DGCR2: variants seen among roughly 807,000 people sequenced by gnomAD.
DGCR2 encodes the protein DiGeorge syndrome critical region gene 2, also known as integral membrane protein DGCR2/IDD.
Under a neutral mutation model 51.6 loss-of-function variants are expected in DGCR2, and 24 were observed. The ratio of observed to expected loss-of-function variants is 0.47; its 90% CI spans 0.34 to 0.65. The LOEUF (loss-of-function observed/expected upper bound fraction) is 0.65. Among genes scored for constraint, DGCR2 ranks in the 30% least tolerant of loss-of-function variants. The pLI, the probability that DGCR2 is intolerant of heterozygous loss-of-function variation, is 0.01. For missense variants in DGCR2, 765 were observed against 772.1 expected (o/e 0.99, Z 0.11); for synonymous variants, 340 against 315.4 (o/e 1.08, Z -0.82).
intron 7 of DGCR2, chr22:19,046,390 C>T (rs1293706226): frequency 6.6e-6 from 1 of 152,416 alleles, no homozygotes; most frequent in Non-Finnish European, 1.5e-5. Flanking sequence ...CTTGCTTAAA[C>T]ACACTTATTA....
At chr22:19,053,146 T>C (rs2082567112) in intron 6 of DGCR2, among the ~76,000 whole-genome samples, 6 of 152,330 alleles carry the variant, frequency 3.9e-5, no homozygotes, top group South Asian at 2.1e-4. Flanking sequence ...CTGGAGCCTT[T>C]AGGGCCCTGG....
intron 8 of DGCR2, 70 bp downstream of exon 8, chr22:19,041,737 G>A (rs915742224): frequency 3.2e-5 from 49 of 1,529,582 alleles, no homozygotes; most frequent in Non-Finnish European, 4.1e-5. Flanking sequence ...GGGCTGGGGA[G>A]CTCATGGAGA....
chr22:19,070,486 T>C (rs2082802197), intron 2 of DGCR2, among the ~76,000 whole-genome samples: 1 of 152,004 alleles, frequency 6.6e-6, no homozygotes, highest in Non-Finnish European at 1.5e-5. Flanking sequence ...GCACAGTACC[T>C]GGTAAAATTG....
In DGCR2 at chr22:19,105,160, T is replaced by C. The variant is rs186403442; in HGVS notation, c.80-15670A>G. Reference sequence around the variant, plus strand: ...CAGCATGGCAAAGCCCCATCTCTACTAAAAATACAAAAATTAGCTGGGCGT... The same window carrying C: ...CAGCATGGCAAAGCCCCATCTCTACCAAAAATACAAAAATTAGCTGGGCGT... On this transcript the variant is annotated intron_variant, in intron 1 of 9. Transcript: ENST00000263196. 5.3e-3 allele frequency among the ~76,000 whole-genome samples: 805 copies of C among 152,178 alleles called. 1 individual carries two copies. Among genetic ancestry groups the C allele is most frequent in the Admixed American group, 9.0e-3 (137 of 15,284 alleles).
intron 1 of DGCR2, among the ~76,000 whole-genome samples, chr22:19,115,257 G>A (rs2083361683): frequency 6.6e-6 from 1 of 152,242 alleles, no homozygotes; most frequent in Non-Finnish European, 1.5e-5. Context: ...CAGAGAGGCA[G>A]CTCCCTCAGC....
chr22:19,115,533 CCACCAGAGG>C (rs1390208405), intron 1 of DGCR2, among the ~76,000 whole-genome samples: 1 of 152,266 alleles, frequency 6.6e-6, no homozygotes, highest in East Asian at 1.9e-4. Flanking sequence ...CTCGCCACCC[CCACCAGAGG>C]CAGCTGCAAG....
At position 19,089,420 on chromosome 22, in the gene DGCR2, C is replaced by A; in HGVS notation, c.150G>T (p.Gln50His). 1 of 1,610,640 alleles carries A rather than the reference C, an allele frequency of 6.2e-7. No homozygotes were observed. The highest frequency in any genetic ancestry group is 2.2e-5 in the East Asian group (1 of 44,454). Residue 50 changes from glutamine (Q) to histidine (H), a missense_variant, in exon 2 of 10, where the codon CAG becomes CAT. Gln to His is a conservative substitution (Grantham distance 24, BLOSUM62 0). This residue lies in a region of DGCR2 where 370 missense variants were observed against 325.5 expected (regional missense o/e 1.14). Transcript: ENST00000263196. ...CCTCGCAAGTCGCCCAGCCGTCACACTGCCAGGGGAGGGGGATGCACTGGA... is the reference window on the plus strand; with the variant it reads ...CCTCGCAAGTCGCCCAGCCGTCACAATGCCAGGGGAGGGGGATGCACTGGA... ...GTIQCIPLPW[Q>H]CDGWATCEDE...
rs560654239 is a variant in DGCR2 at position 19,122,042 on chromosome 22, G to A, written c.79+86C>T. 3.3e-4 allele frequency: 343 copies of A among 1,039,366 alleles called. 1 individual carries two copies. The African/African-American group carries it at 5.4e-3, about 16-fold the overall frequency. The allele number at this position is 1,039,366 out of a possible 1,614,324, so 64.4% of individuals were successfully genotyped here. On this transcript the variant is annotated intron_variant, in intron 1 of 9. Coordinates refer to ENST00000263196, the MANE Select transcript of DGCR2 (RefSeq NM_005137.3). ...TGCCCCAGGCGCGGCCCCTGCAGGA[G>A]GGCGCCGCGGGTGAAAGGAGGTCCC...
chr22:19,109,276 C>A (rs1320292462), intron 1 of DGCR2, among the ~76,000 whole-genome samples: 1 of 152,176 alleles, frequency 6.6e-6, no homozygotes, highest in Non-Finnish European at 1.5e-5. Context: ...TATGATCCAG[C>A]AATTCCAATT....
chr22:19,070,164 C>T (rs1193072250), intron 2 of DGCR2, among the ~76,000 whole-genome samples: 2 of 152,136 alleles, frequency 1.3e-5, no homozygotes, highest in African/African-American at 2.4e-5. Context: ...GTAGGAGACT[C>T]GACCCACAGA....
At chr22:19,063,316 C>A in intron 4 of DGCR2, 38 bp from the exon 5 acceptor site, 1 of 1,583,732 alleles carries the variant, frequency 6.3e-7, no homozygotes, top group Non-Finnish European at 8.7e-7. Context: ...ATCTCAGCGG[C>A]AGGAGGGATG....
intron 2 of DGCR2, among the ~76,000 whole-genome samples, chr22:19,088,860 C>T (rs1185369933): frequency 6.6e-6 from 1 of 152,136 alleles, no homozygotes; most frequent in Non-Finnish European, 1.5e-5. Context: ...CCGATTTAGC[C>T]TTTTTGTGGC....
chr22:19,108,391 G>A (rs1356679198), intron 1 of DGCR2, among the ~76,000 whole-genome samples: 1 of 150,460 alleles, frequency 6.6e-6, no homozygotes, highest in East Asian at 2.0e-4. Context: ...GGCAACACAG[G>A]GATCCAGTCT....
intron 6 of DGCR2, among the ~76,000 whole-genome samples, chr22:19,052,171 C>T (rs1203618526): frequency 6.6e-6 from 1 of 152,142 alleles, no homozygotes; most frequent in Non-Finnish European, 1.5e-5. Flanking sequence ...AATCCCAGCA[C>T]TTTGGGAGGC....
At chr22:19,092,493 T>G (rs2083089871) in intron 1 of DGCR2, among the ~76,000 whole-genome samples, 1 of 152,184 alleles carries the variant, frequency 6.6e-6, no homozygotes, top group Non-Finnish European at 1.5e-5. Flanking sequence ...AATACACAAA[T>G]TCTTTGAAAG....
In DGCR2 at chr22:19,089,674, G is replaced by A. The variant is rs150686597; in HGVS notation, c.80-184C>T. ...CAGCTCACTGCAACCTTCACCTTCCGTGTTCAAGCAATTCTTGTCCCTCAG... is the reference window on the plus strand; with the variant it reads ...CAGCTCACTGCAACCTTCACCTTCCATGTTCAAGCAATTCTTGTCCCTCAG... On this transcript the variant is annotated intron_variant, in intron 1 of 9. Transcript: ENST00000263196. Among the ~76,000 whole-genome samples the A allele has an allele frequency of 4.0e-3, 604 of 152,334 alleles. 9 individuals carry two copies. The highest frequency in any genetic ancestry group is 0.014 in the African/African-American group (585 of 41,574).
chr22:19,095,503 T>A (rs1489437895), intron 1 of DGCR2, among the ~76,000 whole-genome samples: 6 of 150,340 alleles, frequency 4.0e-5, no homozygotes, highest in African/African-American at 1.5e-4. Flanking sequence ...CTACTGAAAA[T>A]ACAAAAAATT....
At position 19,057,807 on chromosome 22, in the gene DGCR2, G is replaced by A. The variant is rs1386746661; in HGVS notation, c.626-645C>T. On this transcript the variant is annotated intron_variant, in intron 5 of 9. Transcript: ENST00000263196. The surrounding 1 kb of genome is among the most constrained non-coding windows in gnomAD (Gnocchi z 5.1). ...TCAGAAACCGTGTACCCCTGCCGCA[G>A]AGAGCGTGAGGGTTGGGGACTGCTA... Among the ~76,000 whole-genome samples, 1 of 152,142 alleles carries A rather than the reference G, an allele frequency of 6.6e-6. No individual in the cohort carries two copies. The highest frequency in any genetic ancestry group is 1.5e-5 in the Non-Finnish European group (1 of 68,030).
intron 1 of DGCR2, among the ~76,000 whole-genome samples, chr22:19,091,216 G>T (rs574962019): frequency 6.6e-6 from 1 of 152,064 alleles, no homozygotes; most frequent in East Asian, 1.9e-4. Flanking sequence ...AAAATTAGCC[G>T]GGTATTGGGA....
Sources: allele counts gnomAD v4.1 joint callset (sites outside exome capture counted in the v4.1 genomes callset), GRCh38; gene constraint gnomAD v4.1.1; regional missense constraint gnomAD v4.1.1; non-coding constraint Gnocchi (gnomAD v3.1); transcripts MANE v1.5; gene names NCBI Gene and HGNC (gene_info 2026-07-23, HGNC 2026-07-21).